The following ZNF367 variants were observed in gnomAD, a reference collection of about 807,000 sequenced individuals.
ZNF367 encodes the protein C2H2 zinc finger protein ZFF29.
Under a neutral mutation model 31.8 loss-of-function variants are expected in ZNF367, and 11 were observed. The ratio of observed to expected loss-of-function variants is 0.35; its 90% CI spans 0.22 to 0.57. The LOEUF (loss-of-function observed/expected upper bound fraction) is 0.57. ZNF367 is among the 20% of genes least tolerant of loss of function. ZNF367 has a pLI of 0.85. For missense variants in ZNF367, 353 were observed against 484.1 expected, an observed-to-expected ratio of 0.73 and a Z score of 2.54; for synonymous variants, 199 against 202.4, an observed-to-expected ratio of 0.98 and a Z score of 0.14.
intron 2 of ZNF367, among the ~76,000 whole-genome samples, chr9:96,395,807 C>T (rs1831523268): frequency 6.6e-6 from 1 of 152,136 alleles, no homozygotes; most frequent in African/African-American, 2.4e-5. Flanking sequence ...TTATACTTCA[C>T]TTAAATTCCT....
At chr9:96,403,249 T>G (rs959207395) in intron 1 of ZNF367, among the ~76,000 whole-genome samples, 4 of 152,196 alleles carry the variant, frequency 2.6e-5, no homozygotes, top group Non-Finnish European at 5.9e-5. Context: ...ATTACAAGCA[T>G]GAGCCCCCGT....
chr9:96,416,151 G>C (rs1339261082), intron 1 of ZNF367, among the ~76,000 whole-genome samples: 1 of 143,944 alleles, frequency 6.9e-6, no homozygotes, highest in Non-Finnish European at 1.5e-5. Context: ...GCAGTGGCCT[G>C]ATTTCAGTTC....
At chr9:96,404,689 T>C (rs1200354663) in intron 1 of ZNF367, among the ~76,000 whole-genome samples, 2 of 152,098 alleles carry the variant, frequency 1.3e-5, no homozygotes, top group Admixed American at 1.3e-4. Context: ...ATGACTCTTC[T>C]TGACTTTGTA....
chr9:96,404,602 C>T (rs1831648847), intron 1 of ZNF367, among the ~76,000 whole-genome samples: 3 of 149,856 alleles, frequency 2.0e-5, no homozygotes. Flanking sequence ...CGCCACTGCA[C>T]TCCAGCCTGG....
chr9:96,415,734 G>A (rs970871799), intron 1 of ZNF367, among the ~76,000 whole-genome samples: 4 of 150,808 alleles, frequency 2.7e-5, no homozygotes, highest in African/African-American at 9.8e-5. Context: ...CTGGACCTCA[G>A]GTGATCCACC....
At chr9:96,404,455 C>T (rs1384195506) in intron 1 of ZNF367, among the ~76,000 whole-genome samples, 2 of 151,830 alleles carry the variant, frequency 1.3e-5, no homozygotes, top group African/African-American at 2.4e-5. Context: ...TAGCCGGGCG[C>T]GGTGGCGGGC....
intron 1 of ZNF367, among the ~76,000 whole-genome samples, chr9:96,416,743 G>A (rs772663203): frequency 6.6e-6 from 1 of 152,120 alleles, no homozygotes; most frequent in African/African-American, 2.4e-5. Context: ...CACCTTTATT[G>A]AGCATTTACA....
At chr9:96,399,072 C>A (rs992720343) in intron 1 of ZNF367, among the ~76,000 whole-genome samples, 4 of 152,054 alleles carry the variant, frequency 2.6e-5, no homozygotes, top group Admixed American at 2.6e-4. Flanking sequence ...GAGAAAGTTT[C>A]TTTTGGAAAT....
intron 1 of ZNF367, among the ~76,000 whole-genome samples, chr9:96,410,571 A>AAC (rs1554721462): frequency 8.8e-5 from 13 of 147,586 alleles, no homozygotes; most frequent in Non-Finnish European, 1.8e-4. Context: ...CAAAAAAAAA[A>AAC]AAAAAAAACA....
At chr9:96,410,033 T>C (rs1279480381) in intron 1 of ZNF367, among the ~76,000 whole-genome samples, 1 of 151,428 alleles carries the variant, frequency 6.6e-6, no homozygotes, top group Admixed American at 6.6e-5. Flanking sequence ...CCCAGCACTT[T>C]GGGAGGTCGA....
intron 1 of ZNF367, among the ~76,000 whole-genome samples, chr9:96,410,577 AAAC>A (rs1831734091): frequency 6.8e-6 from 1 of 147,406 alleles, no homozygotes; most frequent in African/African-American, 2.5e-5. Context: ...AAAAAAAAAA[AAAC>A]AAAAAAAACC....
At chr9:96,396,638 T>C (rs1341068837) in intron 2 of ZNF367, among the ~76,000 whole-genome samples, 1 of 151,956 alleles carries the variant, frequency 6.6e-6, no homozygotes, top group Non-Finnish European at 1.5e-5. Context: ...AGAAGGCACA[T>C]TAGAAAAAGT....
intron 3 of ZNF367, among the ~76,000 whole-genome samples, chr9:96,393,620 T>C (rs1176048710): frequency 1.3e-5 from 2 of 152,124 alleles, no homozygotes; most frequent in South Asian, 4.1e-4. Flanking sequence ...TCACCTGAGA[T>C]TGGGAGTTCA....
intron 1 of ZNF367, among the ~76,000 whole-genome samples, chr9:96,405,171 A>C (rs1587746595): frequency 6.6e-6 from 1 of 152,154 alleles, no homozygotes; most frequent in East Asian, 1.9e-4. Context: ...AAAATACAAA[A>C]ATTAGTCAGG....
chr9:96,407,249 C>T, intron 1 of ZNF367: 1 of 1,213,160 alleles, frequency 8.2e-7, no homozygotes, highest in Non-Finnish European at 1.2e-6. Context: ...TTTCGCACCC[C>T]AGGGGCTGCT....
intron 1 of ZNF367, among the ~76,000 whole-genome samples, chr9:96,407,954 C>G (rs1831692425): frequency 6.6e-6 from 1 of 150,400 alleles, no homozygotes; most frequent in Admixed American, 6.7e-5. Flanking sequence ...TAGCCTGTTT[C>G]TGTAAATAAA....
In ZNF367 at chr9:96,392,383, G is replaced by A. The variant is rs1174829194; in HGVS notation, c.830+15C>T. On this transcript the variant is annotated intron_variant, in intron 4 of 4. Transcript: ENST00000375256. ...CTGTGCATCTTCACGGTGGACTAAA[G>A]GCAGCATTCCTGACCTCGCCAGCCA... The A allele has an allele frequency of 1.2e-6, 2 of 1,614,020 alleles. No individual in the cohort carries two copies. Among genetic ancestry groups the A allele is most frequent in the Non-Finnish European group, 1.7e-6 (2 of 1,180,052 alleles).
chr9:96,405,840 G>A (rs1482447440), intron 1 of ZNF367, among the ~76,000 whole-genome samples: 1 of 152,170 alleles, frequency 6.6e-6, no homozygotes, highest in East Asian at 1.9e-4. Flanking sequence ...TTCTTTAGAG[G>A]TGATAAAAAT....
At chr9:96,405,964 T>C (rs1271622725) in intron 1 of ZNF367, among the ~76,000 whole-genome samples, 2 of 152,236 alleles carry the variant, frequency 1.3e-5, no homozygotes, top group Admixed American at 6.5e-5. Context: ...TAAGGAAATC[T>C]GAATATGCTA....
Sources: allele counts gnomAD v4.1 joint callset (sites outside exome capture counted in the v4.1 genomes callset), GRCh38; gene constraint gnomAD v4.1.1; transcripts MANE v1.5; gene names NCBI Gene and HGNC (gene_info 2026-07-23, HGNC 2026-07-21).